ACTN1: variants seen among roughly 807,000 people sequenced by gnomAD.
The protein encoded by ACTN1 is actinin alpha 1.
A neutral mutation model predicts 119.6 loss-of-function variants in ACTN1; 30 were observed. That is an observed-to-expected ratio of 0.25 (90% CI 0.19 to 0.34). The LOEUF (loss-of-function observed/expected upper bound fraction) is 0.34. Ranked by LOEUF, ACTN1 falls within the 10% of genes least tolerant of loss-of-function variation. The pLI is 1.00. For synonymous variants in ACTN1, 429 were observed against 472.6 expected (o/e 0.91, Z 1.20); for missense variants, 764 against 1,223.4 (o/e 0.62, Z 5.60).
chr14:68,902,710 G>A (rs148019938), intron 7 of ACTN1, 148 bp from the exon 8 acceptor site: 40 of 660,222 alleles, frequency 6.1e-5, no homozygotes, highest in African/African-American at 9.3e-5. Flanking sequence ...GTCAACTTGC[G>A]CTTATGGGAA....
intron 1 of ACTN1, chr14:68,977,803 C>CCCG (rs1555361559): frequency 2.7e-5 from 10 of 366,652 alleles, no homozygotes; most frequent in East Asian, 8.1e-5. Context: ...CATCCTGTCC[C>CCCG]CCCCCCACCC....
intron 14 of ACTN1, 104 bp from the exon 15 acceptor site, chr14:68,883,159 G>T: frequency 1.6e-6 from 2 of 1,225,370 alleles, no homozygotes; most frequent in Non-Finnish European, 2.3e-6. Context: ...GAGACCAGGA[G>T]GCATCAATTC....
Position 68,971,115 on chromosome 14 carries a change from T to TA in ACTN1, c.105+7836_105+7837insT, listed in dbSNP as rs149735480. Among the ~76,000 whole-genome samples, 1,103 of 152,320 alleles carry TA rather than the reference T, an allele frequency of 7.2e-3. 28 individuals are homozygous for TA. The highest frequency in any genetic ancestry group is 0.052 in the Admixed American group (795 of 15,296). On this transcript the variant is annotated intron_variant, in intron 1 of 21. Coordinates refer to ENST00000394419, the MANE Select transcript of ACTN1 (RefSeq NM_001130004.2). ...TAATAGCAAAGAGTGTGTCTGTACT[T>TA]CTGGTTAAAAGCCGAGTTCTGAGGT...
rs752148370 is a variant in ACTN1 at position 68,884,149 on chromosome 14, G to C, written c.1635+19C>G. The C allele has an allele frequency of 9.3e-6, 15 of 1,604,498 alleles. No homozygotes were observed. The highest frequency in any genetic ancestry group is 6.7e-5 in the Admixed American group (4 of 59,596). ...GGCCCCAGGGGAGCCAGCCTCCGGG[G>C]AGTGGAGGTGGGGCTCACCTGGATC... On this transcript the variant is annotated intron_variant, in intron 14 of 21. Transcript: ENST00000394419.
chr14:68,885,416 G>T lies in ACTN1; in HGVS notation c.1385+9C>A. ...TCACCACAGGGTAGGGGTGTCTGGG[G>T]CCACCTACTTGAGCTCCTGTGCGAT... On this transcript the variant is annotated intron_variant, in intron 12 of 21. Transcript: ENST00000394419. The surrounding 1 kb of genome is among the most constrained non-coding windows in gnomAD (Gnocchi z 5.6). 6.2e-7 allele frequency: 1 copy of T among 1,606,200 alleles called. No homozygotes were observed.
intron 1 of ACTN1, among the ~76,000 whole-genome samples, chr14:68,966,757 C>T (rs2036720625): frequency 6.6e-6 from 1 of 152,152 alleles, no homozygotes; most frequent in South Asian, 2.1e-4. Context: ...AGAGAACCCT[C>T]AGCAGAGGGA....
At chr14:68,942,907 G>T (rs1267655094) in intron 1 of ACTN1, among the ~76,000 whole-genome samples, 1 of 152,118 alleles carries the variant, frequency 6.6e-6, no homozygotes, top group South Asian at 2.1e-4. Context: ...AAAATGTGAC[G>T]GACACACAGA....
chr14:68,964,425 A>G (rs1307874959), intron 1 of ACTN1, among the ~76,000 whole-genome samples: 1 of 152,184 alleles, frequency 6.6e-6, no homozygotes, highest in African/African-American at 2.4e-5. Flanking sequence ...GGGTCAGGAG[A>G]GAAGTGTATG....
Position 68,880,757 on chromosome 14 carries a change from A to G in ACTN1, c.2133+53T>C. 6.3e-7 allele frequency: 1 copy of G among 1,579,818 alleles called. No individual in the cohort carries two copies. On this transcript the variant is annotated intron_variant, in intron 17 of 21. Coordinates refer to ENST00000394419, the MANE Select transcript of ACTN1 (RefSeq NM_001130004.2). This position sits in a 1 kb window ranked among gnomAD's most constrained non-coding sequence, Gnocchi z 4.6. ...TTGGAGACTTCCCCACCCAGGAGAA[A>G]GAGCAGAAGGGGCCACGGGCTCCCG...
intron 1 of ACTN1, among the ~76,000 whole-genome samples, chr14:68,958,461 CT>C (rs2036424652): frequency 6.6e-6 from 1 of 151,958 alleles, no homozygotes. Context: ...TTATTTTCTT[CT>C]TTGTAGTTTG....
chr14:68,939,523 G>GCTCA (rs2140483855), intron 1 of ACTN1, among the ~76,000 whole-genome samples: 1 of 152,312 alleles, frequency 6.6e-6, no homozygotes, highest in Non-Finnish European at 1.5e-5. Context: ...AGTGCAAAGG[G>GCTCA]CTCAGTCTGC....
At position 68,884,034 on chromosome 14, in the gene ACTN1, A is replaced by G. The variant is rs2031790944; in HGVS notation, c.1635+134T>C. ...ATATATTATCTTGTCAAAATAAGTC[A>G]AATGCAAAGGTTCTGGGTCTATAAA... On this transcript the variant is annotated intron_variant, in intron 14 of 21. Transcript: ENST00000394419. The G allele has an allele frequency of 1.8e-5, 17 of 961,004 alleles. No homozygotes were observed. The South Asian group carries it at 3.4e-4, about 19-fold the overall frequency. 59.5% of individuals were successfully genotyped at this position (961,004 alleles called of 1,614,324 possible). A position where few individuals can be genotyped will look rare whatever the true frequency, so the allele number is the denominator to read the frequency against.
chr14:68,949,090 T>A (rs941111685), intron 1 of ACTN1, among the ~76,000 whole-genome samples: 1 of 152,166 alleles, frequency 6.6e-6, no homozygotes, highest in African/African-American at 2.4e-5. Flanking sequence ...AGCTAGGAAG[T>A]TTTGCATTAG....
chr14:68,973,821 G>C, intron 1 of ACTN1: 1 of 152,230 alleles, frequency 6.6e-6, no homozygotes. Context: ...TGAGTCCTGT[G>C]GGGGCTGACC....
chr14:68,964,814 C>T (rs1389284178), intron 1 of ACTN1, among the ~76,000 whole-genome samples: 3 of 152,152 alleles, frequency 2.0e-5, no homozygotes, highest in Non-Finnish European at 4.4e-5. Flanking sequence ...AGATCACCGC[C>T]GCCACCAGGC....
chr14:68,884,937 A>G (rs2031867014), intron 12 of ACTN1, 54 bp from the exon 13 acceptor site: 1 of 1,437,180 alleles, frequency 7.0e-7, no homozygotes, highest in South Asian at 1.1e-5. Flanking sequence ...TTCATGGCCC[A>G]TCTCCCTCTC....
At chr14:68,917,815 C>T (rs1212462909) in intron 3 of ACTN1, among the ~76,000 whole-genome samples, 1 of 152,196 alleles carries the variant, frequency 6.6e-6, no homozygotes, top group East Asian at 1.9e-4. Flanking sequence ...CCTGTAATCC[C>T]AGCACTTTGG....
At chr14:68,933,554 G>A (rs1403990948) in intron 1 of ACTN1, among the ~76,000 whole-genome samples, 1 of 152,200 alleles carries the variant, frequency 6.6e-6, no homozygotes, top group Admixed American at 6.5e-5. Context: ...GGGTGCATGA[G>A]AGCTACTCAA....
At chr14:68,970,390 G>T (rs185235859) in intron 1 of ACTN1, among the ~76,000 whole-genome samples, 2 of 152,272 alleles carry the variant, frequency 1.3e-5, no homozygotes, top group South Asian at 2.1e-4. Context: ...TTTCTAAATC[G>T]TCTCAAGGCT....
Sources: allele counts gnomAD v4.1 joint callset (sites outside exome capture counted in the v4.1 genomes callset), GRCh38; gene constraint gnomAD v4.1.1; non-coding constraint Gnocchi (gnomAD v3.1); transcripts MANE v1.5; gene names NCBI Gene and HGNC (gene_info 2026-07-23, HGNC 2026-07-21).